Variants in FAM210A observed in about 807,000 individuals in gnomAD.
FAM210A encodes mitochondrial inner membrane scaffold 1.
A neutral mutation model predicts 25.3 loss-of-function variants in FAM210A; 13 were observed. The ratio of observed to expected loss-of-function variants is 0.51; its 90% confidence interval spans 0.33 to 0.82. FAM210A has a LOEUF of 0.82. Ranked by LOEUF, FAM210A falls within the 40% of genes least tolerant of loss-of-function variation. The probability of loss-of-function intolerance (pLI) is 0.02; values close to 1 mark genes in which losing one functional copy is unlikely to be tolerated. For synonymous variants in FAM210A, 125 were observed against 118.7 expected (o/e 1.05, Z -0.35); for missense variants, 319 against 323.2 (o/e 0.99, Z 0.10).
chr18:13,690,446 G>A (rs2043633805), intron 1 of FAM210A, among the ~76,000 whole-genome samples: 1 of 152,222 alleles, frequency 6.6e-6, no homozygotes, highest in South Asian at 2.1e-4. Context: ...AGAATGGACA[G>A]TCTGCCTTCT....
intron 1 of FAM210A, among the ~76,000 whole-genome samples, chr18:13,682,384 A>G (rs986884624): frequency 2.0e-5 from 3 of 152,198 alleles, no homozygotes; most frequent in African/African-American, 4.8e-5. Flanking sequence ...CCTGGCCAAC[A>G]TGGCAAAACC....
chr18:13,702,260 G>A (rs918001141), intron 1 of FAM210A, among the ~76,000 whole-genome samples: 3 of 152,236 alleles, frequency 2.0e-5, no homozygotes, highest in Non-Finnish European at 4.4e-5. Context: ...ACTATCTCTT[G>A]TAAAGTTTTG....
In FAM210A at chr18:13,704,930, G is replaced by C. The variant is rs115000920; in HGVS notation, c.-29+21399C>G. Among the ~76,000 whole-genome samples the C allele has an allele frequency of 7.9e-3, 1,200 of 152,192 alleles. 20 individuals are homozygous for C. Among genetic ancestry groups the C allele is most frequent in the African/African-American group, 0.028 (1,157 of 41,522 alleles). ...AATGCGGTTTCTAAAAACTTCATAA[G>C]CATGTAAAATCCTAGAATATGGTGT... is the stretch of plus-strand genomic sequence containing the variant. On this transcript the variant is annotated intron_variant, in intron 1 of 3. Coordinates refer to ENST00000651643, the MANE Select transcript of FAM210A (RefSeq NM_152352.4).
rs1454346641 is a variant in FAM210A, at chr18:13,665,579, A to C, written c.*901T>G. On this transcript the variant is annotated 3_prime_UTR_variant, in exon 4 of 4. Transcript: ENST00000651643. ...CCCATGTCTACCCCAAGGAGTTAGC[A>C]GTCTCCATGAAAACCTGACTCCATT... is the stretch of plus-strand genomic sequence containing the variant. 6.6e-6 allele frequency: 1 copy of C among 152,080 alleles called. No homozygotes were observed. The highest frequency in any genetic ancestry group is 2.4e-5 in the African/African-American group (1 of 41,514). 9.4% of individuals were successfully genotyped at this position (152,080 alleles called of 1,614,324 possible).
Position 13,664,863 on chromosome 18 carries a change from C to G in FAM210A, c.*1617G>C, listed in dbSNP as rs2043387139. ...ACTGTGTGGCAAACCCAGACATTCT[C>G]TCGCCTTAGCAGATAAGTCAAAACA... On this transcript the variant is annotated 3_prime_UTR_variant, in exon 4 of 4. Transcript: ENST00000651643. The G allele has an allele frequency of 6.6e-6, 1 of 152,240 alleles. No individual in the cohort carries two copies. The highest frequency in any genetic ancestry group is 2.4e-5 in the African/African-American group (1 of 41,446). 9.4% of individuals were successfully genotyped at this position (152,240 alleles called of 1,614,324 possible).
At chr18:13,689,032 C>T (rs866969964) in intron 1 of FAM210A, among the ~76,000 whole-genome samples, 2 of 152,244 alleles carry the variant, frequency 1.3e-5, no homozygotes, top group Non-Finnish European at 2.9e-5. Flanking sequence ...ACAGGGCACC[C>T]CTGTCGCGAG....
chr18:13,670,324 A>C (rs1395242924), intron 3 of FAM210A, among the ~76,000 whole-genome samples: 1 of 152,222 alleles, frequency 6.6e-6, no homozygotes, highest in Non-Finnish European at 1.5e-5. Context: ...ACCCACCATA[A>C]TTAGAAACTT....
intron 1 of FAM210A, among the ~76,000 whole-genome samples, chr18:13,711,991 G>C (rs1207280052): frequency 2.0e-5 from 3 of 152,192 alleles, no homozygotes; most frequent in Non-Finnish European, 4.4e-5. Flanking sequence ...AATCGGTACT[G>C]TGGAGAGTAC....
rs558397217 is a variant in FAM210A at position 13,664,178 on chromosome 18, G to T, written c.*2302C>A. 3.9e-5 allele frequency: 6 copies of T among 152,240 alleles called. No homozygotes were observed. The highest frequency in any genetic ancestry group is 5.9e-5 in the Non-Finnish European group (4 of 68,016). 9.4% of individuals were successfully genotyped at this position (152,240 alleles called of 1,614,324 possible). On this transcript the variant is annotated 3_prime_UTR_variant, in exon 4 of 4. Coordinates refer to ENST00000651643, the MANE Select transcript of FAM210A (RefSeq NM_152352.4). ...CATCTTCAGAGCATTTTTTACTAGA[G>T]AATTTCATATCATTCAAGCAGTAAC... is the stretch of plus-strand genomic sequence containing the variant.
chr18:13,696,899 C>T (rs1004874294), intron 1 of FAM210A, among the ~76,000 whole-genome samples: 2 of 152,170 alleles, frequency 1.3e-5, no homozygotes, highest in Non-Finnish European at 2.9e-5. Context: ...CACTCACTGA[C>T]TCACCCAGAG....
At chr18:13,701,998 TGC>T (rs2043744660) in intron 1 of FAM210A, among the ~76,000 whole-genome samples, 1 of 152,220 alleles carries the variant, frequency 6.6e-6, no homozygotes, top group African/African-American at 2.4e-5. Context: ...GGCGCCCCCA[TGC>T]AGCTGGTTGG....
rs533932563 is a variant in FAM210A, at chr18:13,663,703, C to T, written c.*2777G>A. 62 of 152,326 alleles carry T rather than the reference C, an allele frequency of 4.1e-4. No homozygotes were observed. The highest frequency in any genetic ancestry group is 1.4e-3 in the African/African-American group (59 of 41,542). The allele number at this position is 152,326 out of a possible 1,614,324, so 9.4% of individuals were successfully genotyped here. A position where few individuals can be genotyped will look rare whatever the true frequency, so the allele number is the denominator to read the frequency against. Reference sequence around the variant, plus strand: ...TGGTGGTGTGCACCTGTAGTCCCAGCTACTCAGCAGGCTGAGGTGGGAGGA... The same window carrying T: ...TGGTGGTGTGCACCTGTAGTCCCAGTTACTCAGCAGGCTGAGGTGGGAGGA... On this transcript the variant is annotated 3_prime_UTR_variant, in exon 4 of 4. Coordinates refer to ENST00000651643, the MANE Select transcript of FAM210A (RefSeq NM_152352.4).
At chr18:13,695,798 A>G (rs886675713) in intron 1 of FAM210A, among the ~76,000 whole-genome samples, 1 of 152,168 alleles carries the variant, frequency 6.6e-6, no homozygotes, top group Admixed American at 6.5e-5. Flanking sequence ...CCAACATGGC[A>G]CATGTATACA....
At chr18:13,715,643 C>G (rs541381039) in intron 1 of FAM210A, among the ~76,000 whole-genome samples, 17 of 152,148 alleles carry the variant, frequency 1.1e-4, no homozygotes, top group Non-Finnish European at 5.9e-5. Context: ...ATATTCTGAA[C>G]TTCAAGATAT....
At chr18:13,679,012 G>A (rs2043527048) in intron 2 of FAM210A, among the ~76,000 whole-genome samples, 1 of 152,208 alleles carries the variant, frequency 6.6e-6, no homozygotes, top group Non-Finnish European at 1.5e-5. Context: ...TGCCAGATAG[G>A]AGCGGCAACA....
At position 13,671,974 on chromosome 18, in the gene FAM210A, C is replaced by CA. The variant is rs1601939972; in HGVS notation, c.474-2_474-1insT. On this transcript the variant is annotated splice_acceptor_variant, in intron 2 of 3. Coordinates refer to ENST00000651643, the MANE Select transcript of FAM210A (RefSeq NM_152352.4). LOFTEE classifies it high-confidence loss of function. ...TAGAAAAGGAACGACATTCACTCCT[C>CA]TACAAAAAAAAAAAAGTAATTTTCA... The CA allele has an allele frequency of 1.3e-6, 2 of 1,560,482 alleles. No individual in the cohort carries two copies. The highest frequency in any genetic ancestry group is 1.9e-5 in the Admixed American group (1 of 52,914).
intron 2 of FAM210A, among the ~76,000 whole-genome samples, chr18:13,672,889 T>C (rs1786556): frequency 0.06 from 9,110 of 152,300 alleles, 919 homozygotes; most frequent in African/African-American, 0.21. Context: ...GCAATTAACA[T>C]ATACCGCGAC....
chr18:13,665,454 A>G lies in FAM210A; in HGVS notation c.*1026T>C, dbSNP rs2149049298. ...GGATATTTCCCTTCAATGTAAGACA[A>G]AAAGCAGCAGCCACAATTTAAAACT... On this transcript the variant is annotated 3_prime_UTR_variant, in exon 4 of 4. Coordinates refer to ENST00000651643, the MANE Select transcript of FAM210A (RefSeq NM_152352.4). 1 of 150,776 alleles carries G rather than the reference A, an allele frequency of 6.6e-6. No homozygotes were observed. The highest frequency in any genetic ancestry group is 2.1e-4 in the South Asian group (1 of 4,792). 9.3% of individuals were successfully genotyped at this position (150,776 alleles called of 1,614,324 possible).
At chr18:13,671,712 A>G (rs1230201644) in intron 3 of FAM210A, 150 bp downstream of exon 3, 3 of 418,580 alleles carry the variant, frequency 7.2e-6, no homozygotes, top group Non-Finnish European at 1.3e-5. Context: ...AAAAAAAATT[A>G]TCTTACATTA....
Sources: allele counts gnomAD v4.1 joint callset (sites outside exome capture counted in the v4.1 genomes callset), GRCh38; gene constraint gnomAD v4.1.1; transcripts MANE v1.5; gene names NCBI Gene and HGNC (gene_info 2026-07-23, HGNC 2026-07-21).